TRHDE: variants seen among roughly 807,000 people sequenced by gnomAD.
TRHDE encodes the protein thyrotropin-releasing hormone-degrading ectoenzyme.
Under a neutral mutation model 125.7 loss-of-function variants are expected in TRHDE, and 72 were observed. That is an observed-to-expected ratio of 0.57 (90% CI 0.47 to 0.70). The LOEUF (loss-of-function observed/expected upper bound fraction) is 0.70, where lower values mean the gene tolerates loss of function less well. Ranked by LOEUF, TRHDE falls within the 30% of genes least tolerant of loss-of-function variation. TRHDE has a pLI of 0.00. For synonymous variants in TRHDE, 509 were observed against 509.1 expected, an observed-to-expected ratio of 1.00 and a Z score of 0.00; for missense variants, 1,110 against 1,327.1, an observed-to-expected ratio of 0.84 and a Z score of 2.54.
chr12:72,158,779 G>C (rs1383329282), intron 2 of TRHDE, among the ~76,000 whole-genome samples: 3 of 152,062 alleles, frequency 2.0e-5, no homozygotes, highest in African/African-American at 7.2e-5. Flanking sequence ...AATTCCTGAT[G>C]GCTTATATCT....
rs117238558 is a variant in TRHDE at position 72,634,270 on chromosome 12, G to A, written c.2675+12519G>A. ...GACAAGAGGCTAAAGAATGAGAATA[G>A]AAAGAAATGAGAATAGAGGACACTA... On this transcript the variant is annotated intron_variant, in intron 15 of 18. Coordinates refer to ENST00000261180, the MANE Select transcript of TRHDE (RefSeq NM_013381.3). 1.2e-3 allele frequency among the ~76,000 whole-genome samples: 180 copies of A among 152,200 alleles called. 1 individual carries two copies. In the East Asian group the frequency reaches 0.024, roughly 20 times the overall value.
intron 5 of TRHDE, among the ~76,000 whole-genome samples, chr12:72,479,229 A>G (rs1169698555): frequency 1.3e-5 from 2 of 152,174 alleles, no homozygotes; most frequent in Non-Finnish European, 2.9e-5. Context: ...GTATAATACT[A>G]CAACTGAAGA....
At chr12:72,293,454 G>T (rs1189820023) in intron 2 of TRHDE, among the ~76,000 whole-genome samples, 1 of 152,166 alleles carries the variant, frequency 6.6e-6, no homozygotes, top group Non-Finnish European at 1.5e-5. Context: ...ACTGTGGGAA[G>T]CTCAGAAATT....
At chr12:72,434,475 C>T (rs145073700) in intron 3 of TRHDE, among the ~76,000 whole-genome samples, 277 of 150,988 alleles carry the variant, frequency 1.8e-3, no homozygotes, top group African/African-American at 6.4e-3. Context: ...TAATTTTCAT[C>T]AGGTAAGTTT....
chr12:72,129,521 G>T (rs1875812846), intron 2 of TRHDE, among the ~76,000 whole-genome samples: 1 of 152,184 alleles, frequency 6.6e-6, no homozygotes, highest in Admixed American at 6.5e-5. Context: ...ATACTTCTTA[G>T]AAAGCTAGAA....
intron 9 of TRHDE, among the ~76,000 whole-genome samples, chr12:72,563,374 A>G (rs1870277049): frequency 6.6e-6 from 1 of 152,292 alleles, no homozygotes. Context: ...CTGTGAATTA[A>G]AAGGAATTGA....
rs1384260236 is a variant in TRHDE at position 72,362,703 on chromosome 12, C to T, written c.1189-15292C>T. Reference sequence around the variant, plus strand: ...AGGGTTTTTATGGTTTTAGGTCTAACGTTTAAGTCTGTAATCCATCTTGAA... The same window carrying T: ...AGGGTTTTTATGGTTTTAGGTCTAATGTTTAAGTCTGTAATCCATCTTGAA... On this transcript the variant is annotated intron_variant, in intron 2 of 18. Transcript: ENST00000261180. 4.6e-5 allele frequency among the ~76,000 whole-genome samples: 7 copies of T among 151,722 alleles called. No homozygotes were observed. In the East Asian group the frequency reaches 1.4e-3, roughly 29 times the overall value.
chr12:72,595,495 T>C (rs1379401959), intron 12 of TRHDE, among the ~76,000 whole-genome samples: 1 of 152,110 alleles, frequency 6.6e-6, no homozygotes, highest in Non-Finnish European at 1.5e-5. Flanking sequence ...GAGTGACTAA[T>C]TTTAAAACTG....
chr12:72,592,666 G>A (rs1330139543), intron 12 of TRHDE, among the ~76,000 whole-genome samples: 1 of 148,628 alleles, frequency 6.7e-6, no homozygotes, highest in Non-Finnish European at 1.5e-5. Context: ...TCTAGTATTA[G>A]TTAAGGCCTT....
intron 2 of TRHDE, among the ~76,000 whole-genome samples, chr12:72,229,021 T>C (rs192509755): frequency 7.2e-5 from 11 of 152,326 alleles, no homozygotes; most frequent in African/African-American, 2.4e-4. Context: ...CTTTCCCACA[T>C]CTTTCTGTCT....
chr12:72,457,768 C>T (rs1367113256), intron 3 of TRHDE, among the ~76,000 whole-genome samples: 2 of 152,142 alleles, frequency 1.3e-5, no homozygotes, highest in Admixed American at 6.5e-5. Context: ...GCCAAGCCTA[C>T]ATAAATAATT....
chr12:72,583,345 G>A (rs562135354), intron 12 of TRHDE, among the ~76,000 whole-genome samples: 21 of 152,210 alleles, frequency 1.4e-4, no homozygotes, highest in East Asian at 7.7e-4. Flanking sequence ...TATGAGCAGT[G>A]TCTCACAGTG....
At chr12:72,375,509 G>T (rs1871837484) in intron 2 of TRHDE, among the ~76,000 whole-genome samples, 1 of 152,162 alleles carries the variant, frequency 6.6e-6, no homozygotes, top group South Asian at 2.1e-4. Flanking sequence ...AGGAATGGCT[G>T]TGTTTCCACC....
intron 1 of TRHDE, among the ~76,000 whole-genome samples, chr12:72,094,478 G>A (rs1477877353): frequency 6.6e-6 from 1 of 152,194 alleles, no homozygotes; most frequent in Non-Finnish European, 1.5e-5. Flanking sequence ...TGAATTACAG[G>A]CTCTTTTGGA....
In TRHDE at chr12:72,556,403, A is replaced by T. The variant is rs1869924082; in HGVS notation, c.1789-5762A>T. On this transcript the variant is annotated intron_variant, in intron 7 of 18. Transcript: ENST00000261180. ...TACAAAATAGAATAAGAACTAAAGT[A>T]GACTCAGAAATCAAGAGATGTAGCC... Among the ~76,000 whole-genome samples the T allele has an allele frequency of 6.6e-5, 10 of 152,348 alleles. No homozygotes were observed. The South Asian group carries it at 2.1e-3, about 32-fold the overall frequency.
At chr12:72,239,552 A>G (rs1367721013) in intron 2 of TRHDE, among the ~76,000 whole-genome samples, 1 of 152,116 alleles carries the variant, frequency 6.6e-6, no homozygotes, top group Non-Finnish European at 1.5e-5. Flanking sequence ...TAAAGGTAAA[A>G]CCAGTGGCAT....
chr12:72,151,588 G>A (rs1456163115), intron 2 of TRHDE, among the ~76,000 whole-genome samples: 2 of 151,722 alleles, frequency 1.3e-5, no homozygotes, highest in Non-Finnish European at 2.9e-5. Flanking sequence ...TGTAAGGAAG[G>A]GATCCAGTTT....
At chr12:72,478,550 G>A (rs1400970449) in intron 5 of TRHDE, among the ~76,000 whole-genome samples, 3 of 152,070 alleles carry the variant, frequency 2.0e-5, no homozygotes, top group African/African-American at 4.8e-5. Flanking sequence ...CGTTTAAGAG[G>A]AACTGGGGAC....
chr12:72,260,064 A>G (rs930777884), intron 2 of TRHDE, among the ~76,000 whole-genome samples: 11 of 152,228 alleles, frequency 7.2e-5, no homozygotes, highest in Admixed American at 7.2e-4. Context: ...GCACATCTAT[A>G]TATGCACGTT....
Sources: gnomAD v4.1 joint callset for allele counts (sites outside exome capture counted in the v4.1 genomes callset) on GRCh38, gnomAD v4.1.1 for gene constraint, MANE v1.5 for transcripts, NCBI Gene and HGNC (gene_info 2026-07-23, HGNC 2026-07-21) for gene names.